Variants in SLC16A10 observed in about 807,000 individuals in gnomAD.
SLC16A10 encodes the protein monocarboxylate transporter 10.
In SLC16A10, 27 loss-of-function variants were observed where a neutral mutation model predicts 40.0. That is an observed-to-expected ratio of 0.67 (90% CI 0.50 to 0.93). The LOEUF is 0.93. Among genes scored for constraint, SLC16A10 ranks in the 40% least tolerant of loss-of-function variants. The probability of loss-of-function intolerance (pLI) is 0.00; values close to 1 mark genes in which losing one functional copy is unlikely to be tolerated. For missense variants in SLC16A10, 529 were observed against 658.2 expected, an observed-to-expected ratio of 0.80 and a Z score of 2.15; for synonymous variants, 213 against 249.8, an observed-to-expected ratio of 0.85 and a Z score of 1.39.
chr6:111,143,564 T>C (rs1390774828), intron 1 of SLC16A10, among the ~76,000 whole-genome samples: 3 of 152,112 alleles, frequency 2.0e-5, no homozygotes, highest in East Asian at 3.9e-4. Flanking sequence ...GGAGGAAACT[T>C]AAATGCATAT....
chr6:111,181,232 A>G (rs1453709773), intron 3 of SLC16A10, among the ~76,000 whole-genome samples: 1 of 152,030 alleles, frequency 6.6e-6, no homozygotes, highest in African/African-American at 2.4e-5. Flanking sequence ...AAAAAAAAAA[A>G]AAGTTCTGAA....
chr6:111,203,765 T>C (rs1458756908), intron 3 of SLC16A10, among the ~76,000 whole-genome samples: 1 of 91,232 alleles, frequency 1.1e-5, no homozygotes. Flanking sequence ...ATAATGCCCC[T>C]TCTAGTTGAA....
intron 4 of SLC16A10, among the ~76,000 whole-genome samples, chr6:111,215,742 C>T (rs1458033476): frequency 1.3e-5 from 2 of 152,186 alleles, no homozygotes; most frequent in Non-Finnish European, 2.9e-5. Context: ...CAGTGGCTCA[C>T]GCCTATAATC....
chr6:111,205,426 T>C (rs1160080841), intron 3 of SLC16A10, among the ~76,000 whole-genome samples: 2 of 152,136 alleles, frequency 1.3e-5, no homozygotes, highest in African/African-American at 4.8e-5. Context: ...TCACTGGCTA[T>C]CTATGGCCCA....
chr6:111,097,441 A>G (rs181375142), intron 1 of SLC16A10, among the ~76,000 whole-genome samples: 2,032 of 151,888 alleles, frequency 0.013, no homozygotes, highest in African/African-American at 0.047. Context: ...CCTCCAGAGC[A>G]GCTGGGACTA....
intron 3 of SLC16A10, among the ~76,000 whole-genome samples, chr6:111,185,003 G>A (rs1377811749): frequency 6.6e-6 from 1 of 151,508 alleles, no homozygotes; most frequent in African/African-American, 2.4e-5. Context: ...AGGGCGCTGA[G>A]CCACGCAAAT....
intron 1 of SLC16A10, among the ~76,000 whole-genome samples, chr6:111,094,804 A>C (rs1242482027): frequency 6.6e-6 from 1 of 152,144 alleles, no homozygotes; most frequent in Non-Finnish European, 1.5e-5. Flanking sequence ...TGGCCGGCTA[A>C]TTAAAAAAAA....
rs183118922 is a variant in SLC16A10, at chr6:111,200,142, C to T, written c.943-6450C>T. On this transcript the variant is annotated intron_variant, in intron 3 of 5. Transcript: ENST00000368851. The stretch of plus-strand genomic sequence containing the variant: ...ACAGTCCTGTTAGGCCAAAGGTCTG[C>T]TCTCCACCTGGTCAGCTGCTGAGGA... Among the ~76,000 whole-genome samples the T allele has an allele frequency of 1.1e-4, 17 of 152,294 alleles. No homozygotes were observed. The East Asian group carries it at 2.1e-3, about 19-fold the overall frequency.
intron 3 of SLC16A10, among the ~76,000 whole-genome samples, chr6:111,179,574 A>G (rs1583347240): frequency 6.6e-6 from 1 of 152,234 alleles, no homozygotes; most frequent in African/African-American, 2.4e-5. Context: ...AAATTTAATA[A>G]GCATGTTATT....
intron 1 of SLC16A10, among the ~76,000 whole-genome samples, chr6:111,098,248 A>G (rs1040040817): frequency 3.9e-5 from 6 of 152,082 alleles, no homozygotes; most frequent in South Asian, 4.1e-4. Flanking sequence ...GGAGGTTGCA[A>G]TGAGCCAAGA....
intron 1 of SLC16A10, among the ~76,000 whole-genome samples, chr6:111,116,375 G>A (rs1445802851): frequency 6.6e-6 from 1 of 151,770 alleles, no homozygotes; most frequent in African/African-American, 2.4e-5. Context: ...GCACCACCAT[G>A]CCTGGCTAAT....
intron 1 of SLC16A10, among the ~76,000 whole-genome samples, chr6:111,122,298 C>G (rs1771598465): frequency 6.6e-6 from 1 of 152,160 alleles, no homozygotes; most frequent in African/African-American, 2.4e-5. Flanking sequence ...CTCAGCATTC[C>G]TTGGAAGCCC....
At chr6:111,111,574 G>A (rs1156619218) in intron 1 of SLC16A10, among the ~76,000 whole-genome samples, 1 of 152,090 alleles carries the variant, frequency 6.6e-6, no homozygotes. Flanking sequence ...TAATAAAAAA[G>A]AATGCAATAT....
At chr6:111,132,475 T>A (rs1443934724) in intron 1 of SLC16A10, among the ~76,000 whole-genome samples, 1 of 152,158 alleles carries the variant, frequency 6.6e-6, no homozygotes, top group East Asian at 1.9e-4. Context: ...CGTAACCCAG[T>A]AACACGTGGA....
intron 3 of SLC16A10, among the ~76,000 whole-genome samples, chr6:111,201,657 G>T (rs957704690): frequency 6.6e-6 from 1 of 152,156 alleles, no homozygotes; most frequent in African/African-American, 2.4e-5. Flanking sequence ...TTAAAAGGAG[G>T]AAGATAATGA....
chr6:111,097,434 C>G (rs1771093920), intron 1 of SLC16A10, among the ~76,000 whole-genome samples: 1 of 152,084 alleles, frequency 6.6e-6, no homozygotes, highest in Non-Finnish European at 1.5e-5. Flanking sequence ...GTCCCAGCCT[C>G]CAGAGCAGCT....
Position 111,088,028 on chromosome 6 carries a change from G to A in SLC16A10, c.276G>A (p.Gly92=), listed in dbSNP as rs773052482. ...GSVFGIQNAC[G]VLFVSMLETF... is the part of the protein sequence containing the mutation. ...TGTTCGGCATCCAGAACGCTTGCGG[G>A]GTGCTCTTCGTGTCCATGCTGGAAA... The change falls in exon 1 of 6, where the codon GGG becomes GGA. Residue 92 remains glycine (G), a synonymous_variant. Coordinates refer to ENST00000368851, the MANE Select transcript of SLC16A10 (RefSeq NM_018593.5). The A allele has an allele frequency of 6.2e-7, 1 of 1,609,244 alleles. No individual in the cohort carries two copies. The highest frequency in any genetic ancestry group is 8.5e-7 in the Non-Finnish European group (1 of 1,177,946).
chr6:111,100,952 T>TCTCTC (rs1771165233), intron 1 of SLC16A10, among the ~76,000 whole-genome samples: 1 of 81,622 alleles, frequency 1.2e-5, no homozygotes, highest in African/African-American at 4.6e-5. Flanking sequence ...CTCTCGCTCT[T>TCTCTC]TCTCTCCCTC....
At chr6:111,107,038 T>C (rs908536407) in intron 1 of SLC16A10, among the ~76,000 whole-genome samples, 1 of 152,234 alleles carries the variant, frequency 6.6e-6, no homozygotes, top group Non-Finnish European at 1.5e-5. Context: ...AATTCTGTTA[T>C]GCATTAAATA....
Sources: gnomAD v4.1 joint callset for allele counts (sites outside exome capture counted in the v4.1 genomes callset) on GRCh38, gnomAD v4.1.1 for gene constraint, MANE v1.5 for transcripts, NCBI Gene and HGNC (gene_info 2026-07-23, HGNC 2026-07-21) for gene names.